POLR3E: variants seen among roughly 807,000 people sequenced by gnomAD.
The protein encoded by POLR3E is RNA polymerase III subunit E.
A neutral mutation model predicts 96.6 loss-of-function variants in POLR3E; 41 were observed. That is an observed-to-expected ratio of 0.42 (90% CI 0.33 to 0.55). The LOEUF (loss-of-function observed/expected upper bound fraction) is 0.55. POLR3E is among the 20% of genes least tolerant of loss of function. The probability of loss-of-function intolerance (pLI) is 0.06; values close to 1 mark genes in which losing one functional copy is unlikely to be tolerated. For missense variants in POLR3E, 849 were observed against 952.1 expected (o/e 0.89, Z 1.43); for synonymous variants, 396 against 383.6 (o/e 1.03, Z -0.38).
In POLR3E at chr16:22,333,734, A is replaced by T; in HGVS notation, c.*34A>T. On this transcript the variant is annotated 3_prime_UTR_variant, in exon 21 of 21. Transcript: ENST00000299853. ...GCAAACTACTAACCCAGCAAATCTAAGCCCAAGGAAGAAGGGCGGAACCAG... is the reference window on the plus strand; with the variant it reads ...GCAAACTACTAACCCAGCAAATCTATGCCCAAGGAAGAAGGGCGGAACCAG... 1.3e-6 allele frequency: 2 copies of T among 1,489,464 alleles called. No homozygotes were observed. Among genetic ancestry groups the T allele is most frequent in the Non-Finnish European group, 9.4e-7 (1 of 1,066,326 alleles). The allele number at this position is 1,489,464 out of a possible 1,614,324, so 92.3% of individuals were successfully genotyped here. A position where few individuals can be genotyped will look rare whatever the true frequency, so the allele number is the denominator to read the frequency against.
rs545144056 is a variant in POLR3E, at chr16:22,309,758, G to C, written c.364+248G>C. On this transcript the variant is annotated intron_variant, in intron 6 of 20. Coordinates refer to ENST00000299853, the MANE Select transcript of POLR3E (RefSeq NM_018119.4). ...GGGCTCCAAGTTCATTTGTCCTCCC[G>C]GGACACAGATACATACAAGTAGCTA... 171 of 568,286 alleles carry C rather than the reference G, an allele frequency of 3.0e-4. 1 individual carries two copies. The Admixed American group carries it at 4.2e-3, about 14-fold the overall frequency. 35.2% of individuals were successfully genotyped at this position (568,286 alleles called of 1,614,324 possible). A position where few individuals can be genotyped will look rare whatever the true frequency, so the allele number is the denominator to read the frequency against.
Position 22,326,033 on chromosome 16 carries a change from G to T in POLR3E, c.1621G>T (p.Gly541Cys), listed in dbSNP as rs763744993. 1 of 1,604,050 alleles carries T rather than the reference G, an allele frequency of 6.2e-7. No homozygotes were observed. The highest frequency in any genetic ancestry group is 8.5e-7 in the Non-Finnish European group (1 of 1,174,040). ...CGGGCTGCCTCTCGGGCGGGCTGCGGGCACAGACAGCTTCAACGGGCACCC... is the reference window on the plus strand; with the variant it reads ...CGGGCTGCCTCTCGGGCGGGCTGCGTGCACAGACAGCTTCAACGGGCACCC... ...ANGLPLGRAA[G>C]TDSFNGHPPQ... Residue 541 changes from glycine to cysteine, a missense_variant, in exon 18 of 21, where the codon GGC (glycine) becomes TGC (cysteine). Gly to Cys is a radical substitution (Grantham distance 159). Transcript: ENST00000299853.
In POLR3E at chr16:22,308,982, G is replaced by C. The variant is rs759806703; in HGVS notation, c.223G>C (p.Glu75Gln). 6.2e-7 allele frequency: 1 copy of C among 1,614,134 alleles called. No individual in the cohort carries two copies. The highest frequency in any genetic ancestry group is 1.1e-5 in the South Asian group (1 of 91,086). Residue 75 changes from glutamate to glutamine, a missense_variant, in exon 5 of 21, where the codon GAG becomes CAG. Coordinates refer to ENST00000299853, the MANE Select transcript of POLR3E (RefSeq NM_018119.4). ...CCCCAACTATTGCCGCAGCAAAGGG[G>C]AGCAGATTGCGCTGAACGTGGACGG... ...LNPNYCRSKG[E>Q]QIALNVDGAC... is the part of the protein sequence containing the mutation.
chr16:22,333,215 G>A (rs561151193), intron 20 of POLR3E, among the ~76,000 whole-genome samples: 3 of 151,144 alleles, frequency 2.0e-5, no homozygotes, highest in African/African-American at 7.2e-5. Context: ...CGCTTTGGGA[G>A]GCTGAGGTGG....
At chr16:22,305,516 T>C (rs180985411) in intron 3 of POLR3E, 146 of 590,260 alleles carry the variant, frequency 2.5e-4, no homozygotes, top group Non-Finnish European at 3.9e-4. Context: ...AATCCTTCTG[T>C]GCCTCACTTT....
At chr16:22,325,546 A>T (rs960209271) in intron 17 of POLR3E, among the ~76,000 whole-genome samples, 2 of 152,218 alleles carry the variant, frequency 1.3e-5, no homozygotes, top group Admixed American at 6.5e-5. Context: ...GGCCCGGAAG[A>T]GCTGCTGGGG....
intron 13 of POLR3E, 98 bp downstream of exon 13, chr16:22,319,044 G>A: frequency 1.2e-6 from 1 of 855,578 alleles, no homozygotes; most frequent in Non-Finnish European, 1.7e-6. Context: ...GCGCAATCTC[G>A]GCTCACTGTA....
At chr16:22,315,800 T>C (rs1022762311) in intron 9 of POLR3E, among the ~76,000 whole-genome samples, 1 of 152,136 alleles carries the variant, frequency 6.6e-6, no homozygotes, top group Non-Finnish European at 1.5e-5. Context: ...ACCTCCCAGG[T>C]AGCTGGGACT....
rs1484760171 is a variant in POLR3E at position 22,325,791 on chromosome 16, G to A, written c.1379G>A (p.Arg460Gln). Residue 460 changes from arginine (R) to glutamine (Q), a missense_variant, in exon 18 of 21, where the codon CGG becomes CAG. By Grantham distance (43) the Arg-to-Gln change is conservative. Coordinates refer to ENST00000299853, the MANE Select transcript of POLR3E (RefSeq NM_018119.4). ...GPAGLVCGDQ[R>Q]IQVAKTKAQQ... ...GCCGGGCTGGTCTGTGGGGACCAGCGGATCCAAGTAGCCAAAACCAAGGCC... is the reference window on the plus strand; with the variant it reads ...GCCGGGCTGGTCTGTGGGGACCAGCAGATCCAAGTAGCCAAAACCAAGGCC... The A allele has an allele frequency of 1.1e-5, 17 of 1,592,810 alleles. No individual in the cohort carries two copies. Among genetic ancestry groups the A allele is most frequent in the Non-Finnish European group, 1.4e-5 (16 of 1,169,856 alleles).
intron 20 of POLR3E, among the ~76,000 whole-genome samples, chr16:22,332,861 T>TGATGAC (rs2048769929): frequency 6.6e-6 from 1 of 151,962 alleles, no homozygotes; most frequent in African/African-American, 2.4e-5. Context: ...GACAGAAAAC[T>TGATGAC]GATGACAATG....
intron 13 of POLR3E, among the ~76,000 whole-genome samples, chr16:22,320,996 G>T (rs892160222): frequency 7.9e-5 from 12 of 152,190 alleles, no homozygotes; most frequent in Non-Finnish European, 1.3e-4. Context: ...GTCTTTAAGT[G>T]TGAATTTTTT....
chr16:22,324,335 G>A lies in POLR3E; in HGVS notation c.1069-19G>A. The A allele has an allele frequency of 6.2e-7, 1 of 1,610,592 alleles. No individual in the cohort carries two copies. Among genetic ancestry groups the A allele is most frequent in the Non-Finnish European group, 8.5e-7 (1 of 1,178,168 alleles). ...CAGTCCGTGGCCGCCCCTGGAATGT[G>A]CTGCTTCTTCTCCCTCAGATGTGGA... On this transcript the variant is annotated intron_variant, in intron 14 of 20. Coordinates refer to ENST00000299853, the MANE Select transcript of POLR3E (RefSeq NM_018119.4).
In POLR3E at chr16:22,316,946, G is replaced by T. The variant is rs2048367911; in HGVS notation, c.729-49G>T. ...CTCACTTGGGTGGCTGGTGAGGAGGGTCCAGCCTGGATCAGCCCTGAGCCT... is the reference window on the plus strand; with the variant it reads ...CTCACTTGGGTGGCTGGTGAGGAGGTTCCAGCCTGGATCAGCCCTGAGCCT... On this transcript the variant is annotated intron_variant, in intron 10 of 20. Coordinates refer to ENST00000299853, the MANE Select transcript of POLR3E (RefSeq NM_018119.4). 1.0e-5 allele frequency: 16 copies of T among 1,596,696 alleles called. No individual in the cohort carries two copies. The East Asian group carries it at 3.6e-4, about 36-fold the overall frequency.
rs1567316083 is a variant in POLR3E at position 22,313,603 on chromosome 16, C to G, written c.365-17C>G. 6.3e-7 allele frequency: 1 copy of G among 1,579,448 alleles called. No homozygotes were observed. Among genetic ancestry groups the G allele is most frequent in the Admixed American group, 1.7e-5 (1 of 59,900 alleles). On this transcript the variant is annotated splice_polypyrimidine_tract_variant and intron_variant, in intron 6 of 20. Transcript: ENST00000299853. The surrounding 1 kb of genome is among the most constrained non-coding windows in gnomAD (Gnocchi z 4.1). ...TGGGTTTCTAGAGTTGAGTCCAAGC[C>G]CTTCTTCCTCCGCCAGGTGAGCTCC...
chr16:22,317,881 A>G (rs2048392590), intron 12 of POLR3E, among the ~76,000 whole-genome samples: 1 of 151,586 alleles, frequency 6.6e-6, no homozygotes, highest in African/African-American at 2.4e-5. Flanking sequence ...CTGGCACCAT[A>G]AGGACTGGTC....
rs941280860 is a variant in POLR3E, at chr16:22,318,186, C to G, written c.866-640C>G. Among the ~76,000 whole-genome samples, 2 of 152,010 alleles carry G rather than the reference C, an allele frequency of 1.3e-5. No individual in the cohort carries two copies. The highest frequency in any genetic ancestry group is 2.4e-5 in the African/African-American group (1 of 41,378). ...TCGGCTCACTGCAACCTCCGCCTCCCGGGTTCAAGCAATTCTCATGCCTCA... is the reference window on the plus strand; with the variant it reads ...TCGGCTCACTGCAACCTCCGCCTCCGGGGTTCAAGCAATTCTCATGCCTCA... On this transcript the variant is annotated intron_variant, in intron 12 of 20. Transcript: ENST00000299853. This position sits in a 1 kb window ranked among gnomAD's most constrained non-coding sequence, Gnocchi z 5.0.
At chr16:22,317,248 G>A in intron 12 of POLR3E, 42 bp downstream of exon 12, 1 of 1,438,364 alleles carries the variant, frequency 7.0e-7, no homozygotes, top group South Asian at 1.1e-5. Context: ...CCCAGTCCCA[G>A]TGGCTCCTGA....
intron 1 of POLR3E, chr16:22,299,117 T>C (rs1480396619): frequency 4.4e-6 from 2 of 449,816 alleles, no homozygotes; most frequent in Non-Finnish European, 9.0e-6. Context: ...GGGGGAGGCT[T>C]TTAAAATAGG....
chr16:22,330,075 GAGAT>G (rs1264920003), intron 19 of POLR3E, among the ~76,000 whole-genome samples: 10 of 120,762 alleles, frequency 8.3e-5, no homozygotes, highest in Non-Finnish European at 1.5e-4. Flanking sequence ...TTTTTTTTTT[GAGAT>G]AGATAGCGTC....
Sources: allele counts gnomAD v4.1 joint callset (sites outside exome capture counted in the v4.1 genomes callset), GRCh38; gene constraint gnomAD v4.1.1; non-coding constraint Gnocchi (gnomAD v3.1); transcripts MANE v1.5; gene names NCBI Gene and HGNC (gene_info 2026-07-23, HGNC 2026-07-21).